Variants in DAB1 observed in about 807,000 individuals in gnomAD.
DAB1 encodes disabled homolog 1.
A neutral mutation model predicts 64.6 loss-of-function variants in DAB1; 15 were observed. The ratio of observed to expected loss-of-function variants is 0.23; its 90% CI spans 0.16 to 0.36. DAB1 has a LOEUF of 0.36. Among genes scored for constraint, DAB1 ranks in the 10% least tolerant of loss-of-function variants. DAB1 has a pLI of 1.00. For missense variants in DAB1, 596 were observed against 706.7 expected, an observed-to-expected ratio of 0.84 and a Z score of 1.78; for synonymous variants, 235 against 251.9, an observed-to-expected ratio of 0.93 and a Z score of 0.64.
intron 6 of DAB1, among the ~76,000 whole-genome samples, chr1:57,764,336 G>A (rs1055985481): frequency 6.6e-6 from 1 of 151,590 alleles, no homozygotes; most frequent in Non-Finnish European, 1.5e-5. Context: ...CCTATTTATG[G>A]GCCACCTTGT....
chr1:57,154,528 A>G (rs1660028465), intron 2 of DAB1, among the ~76,000 whole-genome samples: 1 of 152,222 alleles, frequency 6.6e-6, no homozygotes, highest in South Asian at 2.1e-4. Context: ...TCTCTTTGAT[A>G]TACTGATTTC....
At chr1:58,360,734 C>T (rs1392939066) in intron 3 of DAB1, among the ~76,000 whole-genome samples, 1 of 152,142 alleles carries the variant, frequency 6.6e-6, no homozygotes, top group Non-Finnish European at 1.5e-5. Context: ...GAGAGAGTGT[C>T]AGGCTCAGGA....
rs538284112 is a variant in DAB1, at chr1:57,144,418, G to A, written c.207+872C>T. On this transcript the variant is annotated intron_variant, in intron 3 of 14. Transcript: ENST00000371236. ...TTTAAAAAATTTCTAATTTCTGGCC[G>A]GGCACAGTGGCTCACGCCTGTAATC... 3.4e-4 allele frequency among the ~76,000 whole-genome samples: 52 copies of A among 151,860 alleles called. No individual in the cohort carries two copies. In the South Asian group the frequency reaches 8.5e-3, roughly 25 times the overall value.
At chr1:58,148,432 T>C (rs1654732176) in intron 5 of DAB1, among the ~76,000 whole-genome samples, 1 of 152,238 alleles carries the variant, frequency 6.6e-6, no homozygotes, top group African/African-American at 2.4e-5. Context: ...AGATGCTACA[T>C]GGCTTGGCCT....
intron 5 of DAB1, among the ~76,000 whole-genome samples, chr1:58,042,516 C>G (rs925765324): frequency 3.3e-5 from 5 of 152,164 alleles, no homozygotes; most frequent in Non-Finnish European, 5.9e-5. Context: ...CCCAAAACTA[C>G]ACATACTGAG....
chr1:58,369,966 T>A (rs1644249631), intron 3 of DAB1, among the ~76,000 whole-genome samples: 2 of 152,250 alleles, frequency 1.3e-5, no homozygotes, highest in African/African-American at 4.8e-5. Flanking sequence ...AGCCAAAGTA[T>A]AAATTGTTGT....
In DAB1 at chr1:58,118,503, T is replaced by TATACAC. The variant is rs1341446315; in HGVS notation, n.387+32007_387+32008insGTGTAT. 2.1e-3 allele frequency among the ~76,000 whole-genome samples: 112 copies of TATACAC among 53,022 alleles called. 1 individual carries two copies. The highest frequency in any genetic ancestry group is 5.6e-3 in the African/African-American group (54 of 9,632). The allele number at this position is 53,022 out of a possible 152,430, so 34.8% of individuals were successfully genotyped here. ...ATATATATATATATATATATATATA[T>TATACAC]ACACACACACACACACACATATATA... On this transcript the variant is annotated intron_variant and non_coding_transcript_variant, in intron 5 of 20. Coordinates refer to the DAB1 transcript ENST00000485760.
At chr1:58,198,951 C>CA (rs1274729983) in intron 4 of DAB1, among the ~76,000 whole-genome samples, 7 of 152,016 alleles carry the variant, frequency 4.6e-5, no homozygotes, top group Non-Finnish European at 1.0e-4. Flanking sequence ...ACTAAAAATA[C>CA]AAAAAATTAG....
intron 5 of DAB1, among the ~76,000 whole-genome samples, chr1:57,940,765 T>G (rs758698307): frequency 6.6e-5 from 10 of 152,280 alleles, no homozygotes; most frequent in Non-Finnish European, 1.0e-4. Flanking sequence ...AAGGATGGAA[T>G]CCCTGCAATG....
intron 5 of DAB1, among the ~76,000 whole-genome samples, chr1:58,142,221 TTTATCCCCTGC>T (rs1235951428): frequency 6.6e-6 from 1 of 152,196 alleles, no homozygotes; most frequent in East Asian, 1.9e-4. Flanking sequence ...CCACACCTCA[TTTATCCCCTGC>T]CACTCGGCTG....
chr1:58,012,806 A>T (rs926016750), intron 5 of DAB1, among the ~76,000 whole-genome samples: 1 of 152,202 alleles, frequency 6.6e-6, no homozygotes, highest in Non-Finnish European at 1.5e-5. Flanking sequence ...TTTGTTGTTA[A>T]AACCACTTAG....
intron 3 of DAB1, among the ~76,000 whole-genome samples, chr1:58,496,413 C>T (rs1220233635): frequency 6.6e-6 from 1 of 152,192 alleles, no homozygotes; most frequent in African/African-American, 2.4e-5. Context: ...ATCATGCCAG[C>T]TTCAGGTGGC....
chr1:58,196,163 G>A (rs1308353414), intron 4 of DAB1, among the ~76,000 whole-genome samples: 1 of 152,176 alleles, frequency 6.6e-6, no homozygotes, highest in Admixed American at 6.5e-5. Flanking sequence ...ACCAGCAGAT[G>A]GAAATGCAAG....
At chr1:58,243,510 G>A (rs182463319) in intron 4 of DAB1, among the ~76,000 whole-genome samples, 1 of 151,960 alleles carries the variant, frequency 6.6e-6, no homozygotes, top group East Asian at 1.9e-4. Flanking sequence ...ATATGGCTGG[G>A]GTTTTTTTTT....
chr1:58,430,652 T>C (rs934823279), intron 3 of DAB1, among the ~76,000 whole-genome samples: 4 of 152,200 alleles, frequency 2.6e-5, no homozygotes, highest in African/African-American at 9.7e-5. Context: ...ACGGAGCCCA[T>C]AATGATTAAC....
Position 57,322,403 on chromosome 1 carries a change from AT to A in DAB1, c.-136-31238del, listed in dbSNP as rs1675796810. ...CAACCCTGTAAGCCTCTCTCTTCCT[AT>A]TAAAAGAGATCAAGCTGAGTCTTCC... On this transcript the variant is annotated intron_variant, in intron 1 of 14. Transcript: ENST00000371236. 2.0e-5 allele frequency among the ~76,000 whole-genome samples: 3 copies of A among 152,106 alleles called. No homozygotes were observed. In the South Asian group the frequency reaches 6.2e-4, roughly 32 times the overall value.
At chr1:57,529,899 T>G (rs1458240689) in intron 7 of DAB1, among the ~76,000 whole-genome samples, 1 of 152,226 alleles carries the variant, frequency 6.6e-6, no homozygotes, top group East Asian at 1.9e-4. Context: ...TGTCTCTTTC[T>G]GGGAAACAGA....
chr1:57,019,195 A>G (rs889202083), intron 11 of DAB1, among the ~76,000 whole-genome samples: 2 of 152,174 alleles, frequency 1.3e-5, no homozygotes, highest in African/African-American at 4.8e-5. Context: ...CCTGCCTAGC[A>G]TGGTTTGGGA....
chr1:57,960,203 G>A (rs1309259294), intron 5 of DAB1, among the ~76,000 whole-genome samples: 2 of 152,158 alleles, frequency 1.3e-5, no homozygotes, highest in African/African-American at 2.4e-5. Flanking sequence ...CAGTGGCCAC[G>A]TCATAGGCTT....
Sources: allele counts gnomAD v4.1 joint callset (sites outside exome capture counted in the v4.1 genomes callset), GRCh38; gene constraint gnomAD v4.1.1; transcripts MANE v1.5; gene names NCBI Gene and HGNC (gene_info 2026-07-23, HGNC 2026-07-21).